Variants in R3HDM1 observed in about 807,000 individuals in gnomAD.
R3HDM1 encodes the protein R3H domain containing 1, also known as R3H domain-containing protein 1.
R3HDM1 carries 46 observed loss-of-function variants against 141.1 expected under a neutral mutation model. The observed-to-expected ratio is 0.33, with a 90% CI of 0.26 to 0.42. The LOEUF is 0.42. R3HDM1 is among the 10% of genes least tolerant of loss of function. The probability of loss-of-function intolerance (pLI) is 1.00; values close to 1 mark genes in which losing one functional copy is unlikely to be tolerated. For synonymous variants in R3HDM1, 435 were observed against 472.9 expected (o/e 0.92, Z 1.04); for missense variants, 1,184 against 1,368.3 (o/e 0.87, Z 2.12).
At chr2:135,694,463 T>C (rs2072933284) in intron 21 of R3HDM1, among the ~76,000 whole-genome samples, 1 of 152,220 alleles carries the variant, frequency 6.6e-6, no homozygotes, top group Non-Finnish European at 1.5e-5. Context: ...ACTTCTGTTT[T>C]TAGCCAAAAT....
intron 23 of R3HDM1, among the ~76,000 whole-genome samples, chr2:135,713,584 G>A (rs1307216229): frequency 6.6e-6 from 1 of 152,152 alleles, no homozygotes; most frequent in Non-Finnish European, 1.5e-5. Context: ...ATTCACCAGT[G>A]GGTAACTGAT....
chr2:135,601,729 A>T lies in R3HDM1; in HGVS notation c.-249-771A>T, dbSNP rs531954887. 2.0e-5 allele frequency among the ~76,000 whole-genome samples: 3 copies of T among 152,290 alleles called. No individual in the cohort carries two copies. In the East Asian group the frequency reaches 5.8e-4, roughly 29 times the overall value. On this transcript the variant is annotated intron_variant, in intron 1 of 26. Transcript: ENST00000683871. ...TCTGCCATCCAGACTGGAGTGCAGT[A>T]GCATGATCATAGCTAACTGTAACCC...
At chr2:135,706,980 G>A (rs1410701113) in intron 21 of R3HDM1, among the ~76,000 whole-genome samples, 1 of 151,970 alleles carries the variant, frequency 6.6e-6, no homozygotes, top group African/African-American at 2.4e-5. Context: ...CTCACCTCCC[G>A]GACGGGGCGG....
rs1281121489 is a variant in R3HDM1, at chr2:135,722,382, A to G, written c.2965-87A>G. The G allele has an allele frequency of 7.3e-6, 10 of 1,378,848 alleles. No homozygotes were observed. The South Asian group carries it at 1.3e-4, about 18-fold the overall frequency. 85.4% of individuals were successfully genotyped at this position (1,378,848 alleles called of 1,614,324 possible). ...TGCCAGAGTGCAAAACCCAAACTAA[A>G]GGTGTTTTGGTGTTAATTTGTTAAA... On this transcript the variant is annotated intron_variant, in intron 25 of 26. Coordinates refer to ENST00000683871, the MANE Select transcript of R3HDM1 (RefSeq NM_001378107.1).
chr2:135,589,250 C>CA (rs1708664218), intron 1 of R3HDM1, among the ~76,000 whole-genome samples: 2 of 152,102 alleles, frequency 1.3e-5, no homozygotes, highest in South Asian at 4.1e-4. Context: ...ATAAAGTATT[C>CA]AAGAAGCAAA....
chr2:135,553,354 G>A (rs4954263), intron 1 of R3HDM1, among the ~76,000 whole-genome samples: 14,193 of 152,126 alleles, frequency 0.093, 914 homozygotes, highest in South Asian at 0.31. Context: ...GTGCTTTTTA[G>A]GATCACAATA....
At chr2:135,601,214 G>C (rs982796055) in intron 1 of R3HDM1, among the ~76,000 whole-genome samples, 1 of 152,168 alleles carries the variant, frequency 6.6e-6, no homozygotes, top group Non-Finnish European at 1.5e-5. Flanking sequence ...TTGATGTAGT[G>C]GCTGGAGAAT....
intron 19 of R3HDM1, among the ~76,000 whole-genome samples, chr2:135,666,134 G>A (rs1394956908): frequency 1.3e-5 from 2 of 152,108 alleles, no homozygotes; most frequent in Admixed American, 1.3e-4. Context: ...ACGACACTAT[G>A]GAAGAAACTT....
intron 17 of R3HDM1, chr2:135,650,976 A>G (rs2065091204): frequency 2.0e-6 from 2 of 985,288 alleles, no homozygotes; most frequent in South Asian, 4.7e-5. Flanking sequence ...CATTTCAGTG[A>G]TATTTTTCTG....
intron 9 of R3HDM1, 131 bp downstream of exon 9, chr2:135,632,132 A>G (rs992260909): frequency 1.3e-6 from 1 of 781,300 alleles, no homozygotes; most frequent in Non-Finnish European, 1.8e-6. Flanking sequence ...ACCTTATGTG[A>G]TAGGACTGAA....
At chr2:135,670,138 C>CAA (rs869047478) in intron 19 of R3HDM1, 874 of 97,012 alleles carry the variant, frequency 9.0e-3, no homozygotes, top group Non-Finnish European at 0.014. Context: ...GACTCAGTCT[C>CAA]AAAAAAAAAA....
intron 21 of R3HDM1, among the ~76,000 whole-genome samples, chr2:135,706,368 TTTTTGTTTTTG>T (rs765695401): frequency 0.028 from 4,099 of 146,840 alleles, 156 homozygotes; most frequent in African/African-American, 0.087. Context: ...CATAGTTTTG[TTTTTGTTTTTG>T]TTTTTGTTTT....
At chr2:135,565,985 C>G (rs1702710079) in intron 1 of R3HDM1, 1 of 152,156 alleles carries the variant, frequency 6.6e-6, no homozygotes, top group African/African-American at 2.4e-5. Flanking sequence ...AAACCTATGG[C>G]TACTTGAGAT....
intron 26 of R3HDM1, 137 bp from the exon 27 acceptor site, chr2:135,723,800 A>AAAG: frequency 1.8e-6 from 1 of 564,950 alleles, no homozygotes; most frequent in Non-Finnish European, 2.9e-6. Flanking sequence ...AAAAAAAAAA[A>AAAG]AAAAAGATGG....
chr2:135,624,045 T>C (rs528459269), intron 7 of R3HDM1, among the ~76,000 whole-genome samples: 6 of 152,090 alleles, frequency 3.9e-5, no homozygotes, highest in Non-Finnish European at 5.9e-5. Context: ...GGCATAGTTA[T>C]GTGAGAGGAA....
At chr2:135,659,850 AAAC>A (rs1276776190) in intron 18 of R3HDM1, among the ~76,000 whole-genome samples, 8 of 152,240 alleles carry the variant, frequency 5.3e-5, no homozygotes, top group African/African-American at 1.9e-4. Flanking sequence ...CTATACTTTT[AAAC>A]AACTGCTAGC....
At chr2:135,633,091 TG>T (rs2062878745) in intron 9 of R3HDM1, among the ~76,000 whole-genome samples, 1 of 152,176 alleles carries the variant, frequency 6.6e-6, no homozygotes, top group Admixed American at 6.5e-5. Context: ...TGAAAATAGA[TG>T]TGTTTAGAAA....
intron 17 of R3HDM1, chr2:135,650,544 C>CT (rs2065038797): frequency 2.0e-6 from 2 of 982,932 alleles, no homozygotes; most frequent in South Asian, 4.7e-5. Context: ...AAGAAAATGA[C>CT]TTTTTTCCAA....
Position 135,708,572 on chromosome 2 carries a change from T to G in R3HDM1, c.2460-861T>G, listed in dbSNP as rs140852216. On this transcript the variant is annotated intron_variant, in intron 21 of 26. Transcript: ENST00000683871. Reference sequence around the variant, plus strand: ...CTCAGTTACTCATGAATTCTCAGAATAGTATCATTCTGTGGTTTTTAACTA... The same window carrying G: ...CTCAGTTACTCATGAATTCTCAGAAGAGTATCATTCTGTGGTTTTTAACTA... 2.0e-3 allele frequency among the ~76,000 whole-genome samples: 301 copies of G among 152,328 alleles called. 3 individuals are homozygous for G. The highest frequency in any genetic ancestry group is 7.0e-3 in the African/African-American group (292 of 41,566).
Sources: allele counts gnomAD v4.1 joint callset (sites outside exome capture counted in the v4.1 genomes callset), GRCh38; gene constraint gnomAD v4.1.1; transcripts MANE v1.5; gene names NCBI Gene and HGNC (gene_info 2026-07-23, HGNC 2026-07-21).